Variants in SPATA2L observed in about 807,000 individuals in gnomAD.
SPATA2L encodes spermatogenesis-associated protein 2-like protein.
SPATA2L carries 5 observed loss-of-function variants against 8.7 expected under a neutral mutation model. The ratio of observed to expected loss-of-function variants is 0.57; its 90% CI spans 0.30 to 1.21. The LOEUF (loss-of-function observed/expected upper bound fraction) is 1.21, where lower values mean the gene tolerates loss of function less well. Among genes scored for constraint, SPATA2L ranks in the 50% most tolerant of loss-of-function variants. SPATA2L has a pLI of 0.07. For synonymous variants in SPATA2L, 358 were observed against 275.8 expected (o/e 1.30, Z -2.95); for missense variants, 671 against 591.0 (o/e 1.14, Z -1.40).
intron 1 of SPATA2L, 184 bp from the exon 2 acceptor site, chr16:89,701,417 C>A (rs2060775122): frequency 3.9e-6 from 2 of 516,620 alleles, no homozygotes; most frequent in Non-Finnish European, 6.4e-6. Flanking sequence ...CATCAGCTGC[C>A]CGCCCACCCA....
intron 2 of SPATA2L, among the ~76,000 whole-genome samples, chr16:89,700,395 C>T (rs1262138357): frequency 6.6e-6 from 1 of 152,176 alleles, no homozygotes; most frequent in Non-Finnish European, 1.5e-5. Flanking sequence ...CCCGGCGGCC[C>T]TGCCCCCTCC....
intron 2 of SPATA2L, among the ~76,000 whole-genome samples, chr16:89,698,506 G>C (rs2060753530): frequency 1.2e-5 from 1 of 85,962 alleles, no homozygotes; most frequent in African/African-American, 4.6e-5. Context: ...TTTTTTTTGA[G>C]ACAGAGTCTT....
chr16:89,697,047 G>A lies in SPATA2L; in HGVS notation c.*287C>T, dbSNP rs1289590761. On this transcript the variant is annotated 3_prime_UTR_variant, in exon 3 of 3. Transcript: ENST00000289805. ...TCAGGGACAGGTTCAGGCACTGGCT[G>A]GAACAGGCTGGACCCCTCTACCCAG... The A allele has an allele frequency of 1.4e-6, 2 of 1,409,658 alleles. No individual in the cohort carries two copies. The highest frequency in any genetic ancestry group is 1.4e-5 in the African/African-American group (1 of 69,314). The allele number at this position is 1,409,658 out of a possible 1,614,324, so 87.3% of individuals were successfully genotyped here.
At position 89,701,213 on chromosome 16, in the gene SPATA2L, G is replaced by C; in HGVS notation, c.20C>G (p.Ser7Cys). 1 of 1,446,614 alleles carries C rather than the reference G, an allele frequency of 6.9e-7. No homozygotes were observed. Among genetic ancestry groups the C allele is most frequent in the Non-Finnish European group, 9.1e-7 (1 of 1,099,692 alleles). 89.6% of individuals were successfully genotyped at this position (1,446,614 alleles called of 1,614,324 possible). A position where few individuals can be genotyped will look rare whatever the true frequency, so the allele number is the denominator to read the frequency against. ...CTCCAGGCACTGGCGGTAGTCCTCGGACAGCGAGCTGCTGCCCATCCTGCG... is the reference window on the plus strand; with the variant it reads ...CTCCAGGCACTGGCGGTAGTCCTCGCACAGCGAGCTGCTGCCCATCCTGCG... MGSSSL[S>C]EDYRQCLERE... Residue 7 changes from serine to cysteine, a missense_variant, in exon 2 of 3, where the codon TCC (serine) becomes TGC (cysteine). Coordinates refer to ENST00000289805, the MANE Select transcript of SPATA2L (RefSeq NM_152339.4).
rs1280835353 is a variant in SPATA2L, at chr16:89,696,365, C to G, written c.*969G>C. 4.8e-6 allele frequency: 1 copy of G among 209,306 alleles called. No individual in the cohort carries two copies. Among genetic ancestry groups the G allele is most frequent in the East Asian group, 1.2e-4 (1 of 8,598 alleles). 13.0% of individuals were successfully genotyped at this position (209,306 alleles called of 1,614,324 possible). On this transcript the variant is annotated 3_prime_UTR_variant, in exon 3 of 3. Transcript: ENST00000289805. ...AGCTTTTTTAACAGACATGGTTTCA[C>G]CAGCGTTTAATGTGCTCTGATGTTG... is the stretch of plus-strand genomic sequence containing the variant.
rs892151834 is a variant in SPATA2L, at chr16:89,701,251, CG to C, written c.-1-19del. On this transcript the variant is annotated intron_variant, in intron 1 of 2. Transcript: ENST00000289805. ...TGCCCATCCTGCGGCGGACGGGGGT[CG>C]GGGGGGTCAGGGACCTAAGGCCGCG... is the stretch of plus-strand genomic sequence containing the variant. The C allele has an allele frequency of 4.8e-5, 67 of 1,395,350 alleles. No individual in the cohort carries two copies. In the African/African-American group the frequency reaches 5.3e-4, roughly 11 times the overall value. The allele number at this position is 1,395,350 out of a possible 1,614,324, so 86.4% of individuals were successfully genotyped here.
At chr16:89,700,851 G>A (rs548736568) in intron 2 of SPATA2L, 79 bp downstream of exon 2, 22 of 1,362,088 alleles carry the variant, frequency 1.6e-5, no homozygotes, top group East Asian at 1.2e-4. Context: ...TCTCTCGAAA[G>A]GCGTGGTCCC....
At position 89,696,435 on chromosome 16, in the gene SPATA2L, G is replaced by C. The variant is rs145509579; in HGVS notation, c.*899C>G. 753 of 286,934 alleles carry C rather than the reference G, an allele frequency of 2.6e-3. 4 individuals are homozygous for C. The highest frequency in any genetic ancestry group is 0.015 in the African/African-American group (708 of 45,730). The allele number at this position is 286,934 out of a possible 1,614,324, so 17.8% of individuals were successfully genotyped here. A position where few individuals can be genotyped will look rare whatever the true frequency, so the allele number is the denominator to read the frequency against. On this transcript the variant is annotated 3_prime_UTR_variant, in exon 3 of 3. Transcript: ENST00000289805. ...TGGGGAGGAGGGGGTGGGGCGGAGG[G>C]TCAGGAAAGCAGGCTCAGCTTCCAG...
Position 89,696,698 on chromosome 16 carries a change from G to A in SPATA2L, c.*636C>T. 2.3e-6 allele frequency: 3 copies of A among 1,301,478 alleles called. No homozygotes were observed. Among genetic ancestry groups the A allele is most frequent in the South Asian group, 1.4e-5 (1 of 70,334 alleles). The allele number at this position is 1,301,478 out of a possible 1,614,324, so 80.6% of individuals were successfully genotyped here. A position where few individuals can be genotyped will look rare whatever the true frequency, so the allele number is the denominator to read the frequency against. Reference sequence around the variant, plus strand: ...ACGCTCAGGGCCTTCCCAGCTGTCAGCCACTGCCCGTTCCTGCGCCTCTCG... The same window carrying A: ...ACGCTCAGGGCCTTCCCAGCTGTCAACCACTGCCCGTTCCTGCGCCTCTCG... On this transcript the variant is annotated 3_prime_UTR_variant, in exon 3 of 3. Coordinates refer to ENST00000289805, the MANE Select transcript of SPATA2L (RefSeq NM_152339.4).
At chr16:89,700,902 G>C (rs918743958) in intron 2 of SPATA2L, 28 bp downstream of exon 2, 10 of 1,412,908 alleles carry the variant, frequency 7.1e-6, no homozygotes, top group Non-Finnish European at 9.3e-6. Context: ...CAGGACGAGG[G>C]GCGCGCTCCT....
In SPATA2L at chr16:89,696,875, G is replaced by A. The variant is rs2060732751; in HGVS notation, c.*459C>T. ...TTGGCTCCAGCAGAGCTTGGGGTGGGGGGAGCTCGGTGTCACCAACAGGCC... is the reference window on the plus strand; with the variant it reads ...TTGGCTCCAGCAGAGCTTGGGGTGGAGGGAGCTCGGTGTCACCAACAGGCC... On this transcript the variant is annotated 3_prime_UTR_variant, in exon 3 of 3. Transcript: ENST00000289805. 1 of 1,534,734 alleles carries A rather than the reference G, an allele frequency of 6.5e-7. No individual in the cohort carries two copies. Among genetic ancestry groups the A allele is most frequent in the South Asian group, 1.2e-5 (1 of 83,822 alleles).
rs753879067 is a variant in SPATA2L, at chr16:89,697,431, G to C, written c.1178C>G (p.Ser393Trp). 1.6e-5 allele frequency: 25 copies of C among 1,605,836 alleles called. No individual in the cohort carries two copies. In the South Asian group the frequency reaches 2.2e-4, roughly 14 times the overall value. The change falls in exon 3 of 3, where the codon TCG becomes TGG. Residue 393 changes from serine to tryptophan, a missense_variant. Transcript: ENST00000289805. ...AALPACRPGH[S>W]LRVLLGDAQR... Reference sequence around the variant, plus strand: ...GGCGTCGCCAAGCAGCACACGCAGCGAGTGGCCTGGACGGCAGGCGGGCAG... The same window carrying C: ...GGCGTCGCCAAGCAGCACACGCAGCCAGTGGCCTGGACGGCAGGCGGGCAG...
Position 89,697,932 on chromosome 16 carries a change from T to A in SPATA2L, c.677A>T (p.Asp226Val), listed in dbSNP as rs945035599. The change falls in exon 3 of 3, where the codon GAC (aspartate) becomes GTC (valine). Residue 226 changes from aspartate (D) to valine (V), a missense_variant. Physicochemically the swap from Asp to Val is radical, Grantham distance 152 (BLOSUM62 -3). Coordinates refer to ENST00000289805, the MANE Select transcript of SPATA2L (RefSeq NM_152339.4). ...GTCTTCCTGCAAGTCCCGGTATAAG[T>A]CCAGTGGGGCCCTGTAAGCAGCAGG... ...GSPAAYRAPL[D>V]LYRDLQEDEG... 47 of 1,610,184 alleles carry A rather than the reference T, an allele frequency of 2.9e-5. No individual in the cohort carries two copies. Among genetic ancestry groups the A allele is most frequent in the Non-Finnish European group, 3.9e-5 (46 of 1,178,866 alleles).
intron 2 of SPATA2L, among the ~76,000 whole-genome samples, chr16:89,699,509 A>G (rs1029626056): frequency 6.6e-6 from 1 of 151,544 alleles, no homozygotes; most frequent in Non-Finnish European, 1.5e-5. Context: ...GAGGCTGTCC[A>G]TGCACTGGGC....
In SPATA2L at chr16:89,697,968, G is replaced by A. The variant is rs758898890; in HGVS notation, c.641C>T (p.Pro214Leu). The A allele has an allele frequency of 6.9e-6, 11 of 1,605,304 alleles. No individual in the cohort carries two copies. In the Middle Eastern group the frequency reaches 6.6e-4, roughly 96 times the overall value. Reference protein sequence around the residue: ...AQDEEPPPLPPRGSPAAYRAP... With the variant: ...AQDEEPPPLPLRGSPAAYRAP... ...CCTGTAAGCAGCAGGGGAGCCTCGG[G>A]GGGGCAGGGGTGGCGGCTCCTCATC... Residue 214 changes from proline to leucine, a missense_variant, in exon 3 of 3, where the codon CCC becomes CTC. Transcript: ENST00000289805.
In SPATA2L at chr16:89,700,938, T is replaced by C; in HGVS notation, c.295A>G (p.Thr99Ala). The change falls in exon 2 of 3, where the codon ACC becomes GCC. Residue 99 changes from threonine (T) to alanine (A), a missense_variant. Thr to Ala is a moderately conservative substitution (Grantham distance 58). Coordinates refer to ENST00000289805, the MANE Select transcript of SPATA2L (RefSeq NM_152339.4). ...CCTGGCCTGGCGCCTACCTTGATGG[T>C]GGTGAACTCCTTCCTCCAGGGCAGC... ...YLLPWRKEFT[T>A]IKTFSGGYVH... 6.7e-7 allele frequency: 1 copy of C among 1,482,066 alleles called. No individual in the cohort carries two copies. Among genetic ancestry groups the C allele is most frequent in the Non-Finnish European group, 9.0e-7 (1 of 1,113,240 alleles). 91.8% of individuals were successfully genotyped at this position (1,482,066 alleles called of 1,614,324 possible).
intron 2 of SPATA2L, among the ~76,000 whole-genome samples, 169 bp from the exon 3 acceptor site, chr16:89,698,474 C>CTT (rs61610413): frequency 4.8e-4 from 26 of 54,140 alleles, no homozygotes; most frequent in African/African-American, 7.1e-4. Context: ...ATGATGATTT[C>CTT]TTTTTTTTTT....
chr16:89,699,466 T>C (rs1226842145), intron 2 of SPATA2L, among the ~76,000 whole-genome samples: 1 of 151,942 alleles, frequency 6.6e-6, no homozygotes, highest in Non-Finnish European at 1.5e-5. Flanking sequence ...TATTCCACCA[T>C]GGGGGTGACA....
Position 89,697,821 on chromosome 16 carries a change from A to T in SPATA2L, c.788T>A (p.Leu263His), listed in dbSNP as rs758280855. The change falls in exon 3 of 3, where the codon CTC (leucine) becomes CAC (histidine). Residue 263 changes from leucine (L) to histidine (H), a missense_variant. Coordinates refer to ENST00000289805, the MANE Select transcript of SPATA2L (RefSeq NM_152339.4). ...CCACAGTTTGGCACTCTGCTCCCAG[A>T]GTGGTGGCCTGTAGGCCAGCTCCGC... ...PPAELAYRPP[L>H]WEQSAKLWGT... 1 of 1,605,124 alleles carries T rather than the reference A, an allele frequency of 6.2e-7. No individual in the cohort carries two copies.
Sources: allele counts gnomAD v4.1 joint callset (sites outside exome capture counted in the v4.1 genomes callset), GRCh38; gene constraint gnomAD v4.1.1; transcripts MANE v1.5; gene names NCBI Gene and HGNC (gene_info 2026-07-23, HGNC 2026-07-21).